Variants in FAM107B observed in about 807,000 individuals in gnomAD.
FAM107B encodes protein FAM107B.
Under a neutral mutation model 31.5 loss-of-function variants are expected in FAM107B, and 21 were observed. The observed-to-expected ratio is 0.67, with a 90% CI of 0.47 to 0.96. The LOEUF (loss-of-function observed/expected upper bound fraction) is 0.96, where lower values mean the gene tolerates loss of function less well. Among genes scored for constraint, FAM107B ranks in the 40% least tolerant of loss-of-function variants. The pLI, the probability that FAM107B is intolerant of heterozygous loss-of-function variation, is 0.00. For synonymous variants in FAM107B, 157 were observed against 141.5 expected (o/e 1.11, Z -0.78); for missense variants, 452 against 377.1 (o/e 1.20, Z -1.64).
chr10:14,563,967 T>G (rs1050344888), intron 2 of FAM107B, among the ~76,000 whole-genome samples: 2 of 152,120 alleles, frequency 1.3e-5, no homozygotes, highest in African/African-American at 4.8e-5. Context: ...TCTCATACTT[T>G]TTTTTGTTTT....
chr10:14,742,954 T>A (rs1158889849), intron 1 of FAM107B, among the ~76,000 whole-genome samples: 2 of 152,212 alleles, frequency 1.3e-5, no homozygotes, highest in African/African-American at 2.4e-5. Context: ...CACATTTTAA[T>A]CTCTGTGTTT....
chr10:14,613,999 CG>C (rs1319064850), intron 2 of FAM107B, among the ~76,000 whole-genome samples: 1 of 151,964 alleles, frequency 6.6e-6, no homozygotes, highest in African/African-American at 2.4e-5. Context: ...GGAGTGTTGG[CG>C]GGCGCCTGTA....
chr10:14,590,897 G>A (rs1388171703), intron 2 of FAM107B, among the ~76,000 whole-genome samples: 2 of 150,274 alleles, frequency 1.3e-5, no homozygotes, highest in Non-Finnish European at 2.9e-5. Context: ...GCTGAGGCAG[G>A]AGAATCACAT....
intron 3 of FAM107B, among the ~76,000 whole-genome samples, chr10:14,526,308 G>C (rs1846222575): frequency 6.6e-6 from 1 of 152,134 alleles, no homozygotes; most frequent in Non-Finnish European, 1.5e-5. Context: ...CAAGTAGCTG[G>C]GACTACAGGC....
chr10:14,751,007 G>A (rs996108742), intron 1 of FAM107B, among the ~76,000 whole-genome samples: 3 of 152,170 alleles, frequency 2.0e-5, no homozygotes, highest in African/African-American at 7.2e-5. Context: ...CAGCAATCAG[G>A]AGCAGACCTG....
At chr10:14,597,412 C>T (rs1852223144) in intron 2 of FAM107B, among the ~76,000 whole-genome samples, 1 of 152,206 alleles carries the variant, frequency 6.6e-6, no homozygotes, top group Non-Finnish European at 1.5e-5. Flanking sequence ...AAAGCTTATA[C>T]CACAGTAATG....
intron 2 of FAM107B, among the ~76,000 whole-genome samples, chr10:14,595,483 T>C (rs1852159318): frequency 7.6e-6 from 1 of 132,046 alleles, no homozygotes; most frequent in Non-Finnish European, 1.5e-5. Context: ...TGGAGTACAG[T>C]GGTTCGAGCT....
intron 1 of FAM107B, among the ~76,000 whole-genome samples, chr10:14,707,824 T>C (rs902746746): frequency 6.6e-6 from 1 of 152,234 alleles, no homozygotes; most frequent in Non-Finnish European, 1.5e-5. Context: ...TGGAATCTTT[T>C]TTAAGTAATT....
intron 1 of FAM107B, among the ~76,000 whole-genome samples, chr10:14,739,141 G>C (rs1047289776): frequency 1.3e-5 from 2 of 152,296 alleles, no homozygotes; most frequent in African/African-American, 4.8e-5. Flanking sequence ...CTAAAGGGTA[G>C]GTCCAGAAGT....
At chr10:14,522,092 T>G in intron 3 of FAM107B, 73 bp from the exon 4 acceptor site, 4 of 1,545,624 alleles carry the variant, frequency 2.6e-6, no homozygotes, top group Non-Finnish European at 3.5e-6. Flanking sequence ...GAAATTTAAC[T>G]TACAATATCA....
chr10:14,706,487 C>T (rs1855523553), intron 1 of FAM107B, among the ~76,000 whole-genome samples: 3 of 152,114 alleles, frequency 2.0e-5, no homozygotes, highest in African/African-American at 7.2e-5. Flanking sequence ...CTTAGCCTCC[C>T]AAAGTGTTGG....
At chr10:14,735,334 C>T (rs930938567) in intron 1 of FAM107B, among the ~76,000 whole-genome samples, 3 of 151,696 alleles carry the variant, frequency 2.0e-5, no homozygotes, top group Non-Finnish European at 4.4e-5. Context: ...GTTAGTGAAT[C>T]TTATGTGTGG....
chr10:14,715,170 A>G (rs1276625178), intron 1 of FAM107B, among the ~76,000 whole-genome samples: 1 of 152,218 alleles, frequency 6.6e-6, no homozygotes, highest in Non-Finnish European at 1.5e-5. Flanking sequence ...ATCAGAGAAT[A>G]CAAAGAGTGG....
At position 14,691,524 on chromosome 10, in the gene FAM107B, T is replaced by A. The variant is rs188735535; in HGVS notation, c.412-23833A>T. 1.1e-3 allele frequency among the ~76,000 whole-genome samples: 173 copies of A among 152,226 alleles called. 1 individual carries two copies. Among genetic ancestry groups the A allele is most frequent in the Non-Finnish European group, 2.2e-3 (148 of 68,006 alleles). On this transcript the variant is annotated intron_variant, in intron 1 of 4. Coordinates refer to ENST00000181796, the MANE Select transcript of FAM107B (RefSeq NM_031453.4). The stretch of plus-strand genomic sequence containing the variant: ...GAGCTGAAAGCTTTTCACACAATAT[T>A]GAATTTATCTTTACGACAACCCTAT...
chr10:14,729,503 G>A (rs79169672), intron 1 of FAM107B, among the ~76,000 whole-genome samples: 12 of 151,856 alleles, frequency 7.9e-5, no homozygotes, highest in Admixed American at 5.9e-4. Flanking sequence ...GTGTCAGGGG[G>A]CATAAGTATG....
intron 2 of FAM107B, among the ~76,000 whole-genome samples, chr10:14,638,744 T>A (rs1588675723): frequency 6.6e-6 from 1 of 152,190 alleles, no homozygotes; most frequent in South Asian, 2.1e-4. Flanking sequence ...CCTTTTGCCG[T>A]GCTGCAGCCA....
intron 1 of FAM107B, among the ~76,000 whole-genome samples, chr10:14,732,465 C>T (rs1856196152): frequency 6.6e-6 from 1 of 152,036 alleles, no homozygotes; most frequent in South Asian, 2.1e-4. Context: ...CAGTAAGTGG[C>T]CTTATCTTCA....
At chr10:14,565,607 G>A (rs922145568) in intron 2 of FAM107B, among the ~76,000 whole-genome samples, 2 of 152,192 alleles carry the variant, frequency 1.3e-5, no homozygotes, top group African/African-American at 4.8e-5. Context: ...AGGATGCACT[G>A]ACATAGGTGC....
At chr10:14,682,520 C>T (rs2131496651) in intron 1 of FAM107B, among the ~76,000 whole-genome samples, 1 of 152,228 alleles carries the variant, frequency 6.6e-6, no homozygotes, top group East Asian at 1.9e-4. Flanking sequence ...CAGAGTGAGA[C>T]TCCATCTCAA....
Sources: gnomAD v4.1 joint callset for allele counts (sites outside exome capture counted in the v4.1 genomes callset) on GRCh38, gnomAD v4.1.1 for gene constraint, MANE v1.5 for transcripts, NCBI Gene and HGNC (gene_info 2026-07-23, HGNC 2026-07-21) for gene names.